SNAP47: variants seen among roughly 807,000 people sequenced by gnomAD.
SNAP47 encodes synaptosome associated protein 47, also known as synaptosomal-associated protein 47.
In SNAP47, 20 loss-of-function variants were observed where a neutral mutation model predicts 31.4. The ratio of observed to expected loss-of-function variants is 0.64; its 90% CI spans 0.45 to 0.93. SNAP47 has a LOEUF of 0.93. SNAP47 is among the 40% of genes least tolerant of loss of function. SNAP47 has a pLI of 0.00. For missense variants in SNAP47, 492 were observed against 528.5 expected (o/e 0.93, Z 0.68); for synonymous variants, 194 against 213.4 (o/e 0.91, Z 0.79).
upstream of SNAP47, chr1:227,735,249 C>T (rs748242267): frequency 1.9e-6 from 3 of 1,601,536 alleles, no homozygotes; most frequent in Admixed American, 1.7e-5. Context: ...TGGCTGTCGG[C>T]GAGGGCGCGC....
upstream of SNAP47, chr1:227,733,212 G>T: frequency 1.2e-6 from 1 of 857,060 alleles, no homozygotes; most frequent in Non-Finnish European, 1.8e-6. Flanking sequence ...TCAGGCCACA[G>T]TGAACCCAGA....
At chr1:227,774,822 C>G (rs1664052058) in intron 4 of SNAP47, among the ~76,000 whole-genome samples, 1 of 152,258 alleles carries the variant, frequency 6.6e-6, no homozygotes, top group Non-Finnish European at 1.5e-5. Context: ...TCACTGAACA[C>G]TTTAGTGAGG....
In SNAP47 at chr1:227,762,083, C is replaced by T. The variant is rs532436805; in HGVS notation, c.988+2598C>T. 3.7e-4 allele frequency among the ~76,000 whole-genome samples: 56 copies of T among 152,352 alleles called. No individual in the cohort carries two copies. Among genetic ancestry groups the T allele is most frequent in the African/African-American group, 1.3e-3 (55 of 41,580 alleles). On this transcript the variant is annotated intron_variant, in intron 3 of 4. Coordinates refer to ENST00000617596, the MANE Select transcript of SNAP47 (RefSeq NM_053052.4). The surrounding 1 kb of genome is among the most constrained non-coding windows in gnomAD (Gnocchi z 4.2). ...GTCTTTTCACTTGCACAGCTGCACC[C>T]GGCCCGTGGTGTTTTGAGTACCTGG...
chr1:227,734,561 T>G, upstream of SNAP47: 1 of 1,269,918 alleles, frequency 7.9e-7, no homozygotes, highest in Non-Finnish European at 1.1e-6. Flanking sequence ...AGCTCCGTTG[T>G]GCACCCAGGG....
At chr1:227,777,270 G>T (rs896761042) in intron 4 of SNAP47, 3 of 279,648 alleles carry the variant, frequency 1.1e-5, no homozygotes, top group Non-Finnish European at 1.6e-5. Context: ...CACTAGCACG[G>T]CCAGTATCTT....
chr1:227,779,469 C>T (rs926743239), intron 4 of SNAP47, among the ~76,000 whole-genome samples: 1 of 152,174 alleles, frequency 6.6e-6, no homozygotes, highest in Non-Finnish European at 1.5e-5. Flanking sequence ...GTAGGGGCCC[C>T]CCTCAAGATC....
At chr1:227,734,155 A>G (rs984331029), upstream of SNAP47, 1 of 1,145,308 alleles carries the variant, frequency 8.7e-7, no homozygotes, top group Non-Finnish European at 1.2e-6. Flanking sequence ...GCAGCCCCCA[A>G]AGAGCCCCAG....
chr1:227,771,486 G>T (rs1663800628), intron 4 of SNAP47, among the ~76,000 whole-genome samples: 1 of 152,054 alleles, frequency 6.6e-6, no homozygotes. Flanking sequence ...GACCAGGTGT[G>T]GGGGCCCTGC....
chr1:227,732,870 A>G, upstream of SNAP47: 2 of 1,612,246 alleles, frequency 1.2e-6, no homozygotes, highest in Non-Finnish European at 8.5e-7. Flanking sequence ...CTCCATGCGT[A>G]GCCACCCCAC....
At position 227,780,519 on chromosome 1, in the gene SNAP47, C is replaced by T; in HGVS notation, c.1114-8C>T. 6.2e-7 allele frequency: 1 copy of T among 1,613,838 alleles called. No homozygotes were observed. Among genetic ancestry groups the T allele is most frequent in the Non-Finnish European group, 8.5e-7 (1 of 1,180,002 alleles). Reference sequence around the variant, plus strand: ...CAGCCTCTGCTGTGATCTTGTGCTTCTCCCCAGATCCTGAGGAGGATGAAG... The same window carrying T: ...CAGCCTCTGCTGTGATCTTGTGCTTTTCCCCAGATCCTGAGGAGGATGAAG... On this transcript the variant is annotated splice_region_variant and splice_polypyrimidine_tract_variant and intron_variant, in intron 4 of 4. Transcript: ENST00000617596.
chr1:227,759,734 G>A, intron 3 of SNAP47: 2 of 553,704 alleles, frequency 3.6e-6, no homozygotes, highest in South Asian at 4.3e-5. Context: ...TTCCAAAGCG[G>A]TTGGTACCAT....
In SNAP47 at chr1:227,766,799, G is replaced by A. The variant is rs990939926; in HGVS notation, c.989-160G>A. ...TTGCAGACCCTAATCCTTCGGGGCC[G>A]GGTGGCAAGGCAAGGCTCACAGAGG... On this transcript the variant is annotated intron_variant, in intron 3 of 4. Coordinates refer to ENST00000617596, the MANE Select transcript of SNAP47 (RefSeq NM_053052.4). Among the ~76,000 whole-genome samples the A allele has an allele frequency of 5.3e-5, 8 of 152,234 alleles. 1 individual carries two copies. Among genetic ancestry groups the A allele is most frequent in the African/African-American group, 1.9e-4 (8 of 41,460 alleles).
intron 1 of SNAP47, chr1:227,744,067 ATC>A (rs1661794920): frequency 6.6e-6 from 1 of 151,536 alleles, no homozygotes; most frequent in Non-Finnish European, 1.5e-5. Context: ...GCCTTATGTC[ATC>A]TCTGTCACTT....
rs151133242 is a variant in SNAP47, at chr1:227,747,828, C to T, written c.92C>T (p.Ser31Leu). 9.9e-5 allele frequency: 160 copies of T among 1,614,176 alleles called. No homozygotes were observed. In the African/African-American group the frequency reaches 1.5e-3, roughly 15 times the overall value. Residue 31 changes from serine (S) to leucine (L), a missense_variant, in exon 2 of 5, where the codon TCG (serine) becomes TTG (leucine). Ser to Leu is a moderately radical substitution (Grantham distance 145, BLOSUM62 -2). Transcript: ENST00000617596. Reference sequence around the variant, plus strand: ...GTTACTGGACAGCTGTCCTTAACATCGCTGTCGCTCAGGTTCATGACTGAC... The same window carrying T: ...GTTACTGGACAGCTGTCCTTAACATTGCTGTCGCTCAGGTTCATGACTGAC... ...RWVTGQLSLT[S>L]LSLRFMTDST...
At chr1:227,768,662 G>T (rs1185193829) in intron 4 of SNAP47, among the ~76,000 whole-genome samples, 1 of 152,192 alleles carries the variant, frequency 6.6e-6, no homozygotes, top group African/African-American at 2.4e-5. Context: ...TGCCTGGTAG[G>T]TGTAGCCAGC....
chr1:227,733,566 C>G (rs751630183), upstream of SNAP47: 2 of 1,606,116 alleles, frequency 1.2e-6, no homozygotes, highest in Non-Finnish European at 1.7e-6. Flanking sequence ...GGCAGGTTGC[C>G]GTGGCGGTCC....
intron 4 of SNAP47, among the ~76,000 whole-genome samples, chr1:227,773,642 C>T (rs1220492591): frequency 8.5e-5 from 13 of 152,246 alleles, no homozygotes; most frequent in Admixed American, 6.5e-5. Flanking sequence ...CGTGCCATTT[C>T]GTATCTTTAT....
At chr1:227,739,376 G>A (rs953684525) in intron 1 of SNAP47, among the ~76,000 whole-genome samples, 4 of 152,160 alleles carry the variant, frequency 2.6e-5, no homozygotes, top group East Asian at 1.9e-4. Context: ...GCTTTGTGCC[G>A]AATATGTGCT....
At chr1:227,757,447 C>T (rs1020922691) in intron 2 of SNAP47, among the ~76,000 whole-genome samples, 4 of 152,234 alleles carry the variant, frequency 2.6e-5, no homozygotes, top group Admixed American at 2.6e-4. Context: ...AGTGCTCACT[C>T]ATCTACCTTC....
Sources: allele counts gnomAD v4.1 joint callset (sites outside exome capture counted in the v4.1 genomes callset), GRCh38; gene constraint gnomAD v4.1.1; non-coding constraint Gnocchi (gnomAD v3.1); transcripts MANE v1.5; gene names NCBI Gene and HGNC (gene_info 2026-07-23, HGNC 2026-07-21).